Variants in SECISBP2L observed in about 807,000 individuals in gnomAD.
The protein encoded by SECISBP2L is selenocysteine insertion sequence-binding protein 2-like.
Under a neutral mutation model 114.7 loss-of-function variants are expected in SECISBP2L, and 43 were observed. The observed-to-expected ratio is 0.38, with a 90% CI of 0.29 to 0.48. SECISBP2L has a LOEUF of 0.48. Among genes scored for constraint, SECISBP2L ranks in the 20% least tolerant of loss-of-function variants. SECISBP2L has a pLI of 0.98. For missense variants in SECISBP2L, 1,136 were observed against 1,301.1 expected (o/e 0.87, Z 1.95); for synonymous variants, 451 against 439.7 (o/e 1.03, Z -0.32).
Position 49,037,947 on chromosome 15 carries a change from G to A in SECISBP2L, c.25-178C>T, listed in dbSNP as rs147862790. Among the ~76,000 whole-genome samples, 10 of 152,236 alleles carry A rather than the reference G, an allele frequency of 6.6e-5. No individual in the cohort carries two copies. In the East Asian group the frequency reaches 1.9e-3, roughly 29 times the overall value. ...TTTAAAATAACTGAATAATGATCAA[G>A]TTATTTAGACAAAGCCATCAAATAA... is the stretch of plus-strand genomic sequence containing the variant. On this transcript the variant is annotated intron_variant, in intron 1 of 17. Transcript: ENST00000559471.
At chr15:49,000,058 A>G in intron 15 of SECISBP2L, 71 bp from the exon 16 acceptor site, 1 of 1,520,754 alleles carries the variant, frequency 6.6e-7, no homozygotes, top group Non-Finnish European at 9.0e-7. Context: ...CCCGATAGCT[A>G]AAGCATAAAA....
At position 48,992,437 on chromosome 15, in the gene SECISBP2L, T is replaced by C; in HGVS notation, c.3113A>G (p.Asn1038Ser). ...CTCTACATTGTCTTCCTCAGAACCA[T>C]TAAGGGTTTTTCCAAGCTGAAGGGT... ...METLQLGKTL[N>S]GSEEDNVEQS... Residue 1038 changes from asparagine to serine, a missense_variant, in exon 18 of 18, where the codon AAT becomes AGT. By Grantham distance (46) the Asn-to-Ser change is conservative. Transcript: ENST00000559471. 6.2e-7 allele frequency: 1 copy of C among 1,614,146 alleles called. No homozygotes were observed. The highest frequency in any genetic ancestry group is 1.1e-5 in the South Asian group (1 of 91,090).
chr15:49,021,292 G>A (rs1902635868), intron 7 of SECISBP2L, among the ~76,000 whole-genome samples: 1 of 152,056 alleles, frequency 6.6e-6, no homozygotes, highest in African/African-American at 2.4e-5. Context: ...AAGTCACTGA[G>A]TCTATAGCAT....
chr15:49,017,198 A>G (rs1439917186), intron 9 of SECISBP2L, 183 bp from the exon 10 acceptor site: 4 of 629,438 alleles, frequency 6.4e-6, no homozygotes. Flanking sequence ...TAAAGGGACA[A>G]AACAGCTTAA....
At chr15:48,996,767 A>G (rs935313510) in intron 16 of SECISBP2L, among the ~76,000 whole-genome samples, 181 bp from the exon 17 acceptor site, 2 of 152,218 alleles carry the variant, frequency 1.3e-5, no homozygotes, top group African/African-American at 4.8e-5. Context: ...TTTACTGTTT[A>G]TTTAATTCTC....
chr15:49,029,509 T>C (rs929385126), intron 4 of SECISBP2L, among the ~76,000 whole-genome samples: 2 of 152,238 alleles, frequency 1.3e-5, no homozygotes, highest in Non-Finnish European at 2.9e-5. Context: ...ATGTGATTCA[T>C]GCCTTTACAT....
intron 14 of SECISBP2L, 52 bp from the exon 15 acceptor site, chr15:49,001,149 G>T: frequency 1.7e-6 from 2 of 1,175,208 alleles, no homozygotes; most frequent in Non-Finnish European, 2.4e-6. Context: ...TTTCCCTATA[G>T]TTATAAAACT....
Position 49,010,124 on chromosome 15 carries a change from G to GACACACACACACACACACACACACAC in SECISBP2L, c.1865-772_1865-747dup, listed in dbSNP as rs61663836. ...TCCAGCCTGGGCAACAACAGAGGCA[G>GACACACACACACACACACACACACAC]ACACACACACACACACACACACACA... On this transcript the variant is annotated intron_variant, in intron 13 of 17. Transcript: ENST00000559471. 8.6e-3 allele frequency among the ~76,000 whole-genome samples: 1,196 copies of GACACACACACACACACACACACACAC among 138,756 alleles called. 12 individuals are homozygous for GACACACACACACACACACACACACAC. Among genetic ancestry groups the GACACACACACACACACACACACACAC allele is most frequent in the Middle Eastern group, 0.011 (3 of 268 alleles). The allele number at this position is 138,756 out of a possible 152,430, so 91.0% of individuals were successfully genotyped here.
At chr15:49,040,167 T>C (rs1222885680) in intron 1 of SECISBP2L, among the ~76,000 whole-genome samples, 1 of 152,206 alleles carries the variant, frequency 6.6e-6, no homozygotes, top group African/African-American at 2.4e-5. Flanking sequence ...AAAGGTATTA[T>C]GTATAATTCA....
intron 13 of SECISBP2L, 100 bp downstream of exon 13, chr15:49,011,631 C>A: frequency 7.5e-7 from 1 of 1,324,920 alleles, no homozygotes; most frequent in Non-Finnish European, 1.0e-6. Context: ...AAATATGGAG[C>A]ACGTCTTCCA....
rs576064560 is a variant in SECISBP2L at position 49,035,582 on chromosome 15, G to A, written c.280C>T (p.Pro94Ser). The A allele has an allele frequency of 6.2e-7, 1 of 1,614,214 alleles. No individual in the cohort carries two copies. Among genetic ancestry groups the A allele is most frequent in the South Asian group, 1.1e-5 (1 of 91,090 alleles). ...ACAGGCGGCTGAGCAGATATAATGG[G>A]ATAGGCAAAGTATGGTCCAGTAGGG... Reference protein sequence around the residue: ...PNPTGPYFAYPIISAQPPVST... With the variant: ...PNPTGPYFAYSIISAQPPVST... The change falls in exon 3 of 18, where the codon CCC (proline) becomes TCC (serine). Residue 94 changes from proline (P) to serine (S), a missense_variant. Pro to Ser is a moderately conservative substitution (Grantham distance 74). Transcript: ENST00000559471.
rs1236857105 is a variant in SECISBP2L, at chr15:48,992,418, A to G, written c.3132T>C (p.Asn1044=). The change falls in exon 18 of 18, where the codon AAT becomes AAC. Residue 1044 remains asparagine, a synonymous_variant. Transcript: ENST00000559471. ...GKTLNGSEED[N]VEQSGEEEAE... ...CTTCCTCTTCTCCACTTTGCTCTACATTGTCTTCCTCAGAACCATTAAGGG... is the reference window on the plus strand; with the variant it reads ...CTTCCTCTTCTCCACTTTGCTCTACGTTGTCTTCCTCAGAACCATTAAGGG... 1 of 1,614,006 alleles carries G rather than the reference A, an allele frequency of 6.2e-7. No individual in the cohort carries two copies. The highest frequency in any genetic ancestry group is 8.5e-7 in the Non-Finnish European group (1 of 1,180,004).
At chr15:49,009,040 T>C (rs985519119) in intron 14 of SECISBP2L, among the ~76,000 whole-genome samples, 176 bp downstream of exon 14, 1 of 152,204 alleles carries the variant, frequency 6.6e-6, no homozygotes. Context: ...TACTAACAGC[T>C]GACAGAAGGC....
At chr15:49,044,400 G>A (rs562692839) in intron 1 of SECISBP2L, among the ~76,000 whole-genome samples, 35 of 152,058 alleles carry the variant, frequency 2.3e-4, no homozygotes, top group Non-Finnish European at 4.0e-4. Flanking sequence ...TTGAGAATAC[G>A]ATGAAAATAA....
intron 11 of SECISBP2L, among the ~76,000 whole-genome samples, chr15:49,015,127 A>C (rs1307175892): frequency 6.6e-6 from 1 of 152,160 alleles, no homozygotes; most frequent in Admixed American, 6.5e-5. Context: ...AATGTGAGGA[A>C]ACTGAAGCAC....
At chr15:49,041,093 G>C (rs904757998) in intron 1 of SECISBP2L, among the ~76,000 whole-genome samples, 1 of 152,108 alleles carries the variant, frequency 6.6e-6, no homozygotes, top group Non-Finnish European at 1.5e-5. Context: ...TTTCATAGCA[G>C]AGAGTTGTCT....
chr15:49,004,122 T>C (rs1048668188), intron 14 of SECISBP2L, among the ~76,000 whole-genome samples: 2 of 152,178 alleles, frequency 1.3e-5, no homozygotes, highest in African/African-American at 4.8e-5. Context: ...TCAGAACTTG[T>C]TATTGCTCTA....
intron 9 of SECISBP2L, 63 bp downstream of exon 9, chr15:49,017,485 C>T: frequency 9.4e-7 from 1 of 1,069,170 alleles, no homozygotes; most frequent in Non-Finnish European, 1.4e-6. Context: ...TAATATTTCC[C>T]TTCAACATAG....
At chr15:49,015,858 A>C (rs114162001) in intron 11 of SECISBP2L, among the ~76,000 whole-genome samples, 2 of 152,234 alleles carry the variant, frequency 1.3e-5, no homozygotes, top group Non-Finnish European at 2.9e-5. Flanking sequence ...GTCAAAATGC[A>C]TATCAACTGA....
Sources: allele counts gnomAD v4.1 joint callset (sites outside exome capture counted in the v4.1 genomes callset), GRCh38; gene constraint gnomAD v4.1.1; transcripts MANE v1.5; gene names NCBI Gene and HGNC (gene_info 2026-07-23, HGNC 2026-07-21).